Variants in SPACDR observed in about 807,000 individuals in gnomAD.
The protein encoded by SPACDR is sperm acrosome developmental regulator.
the SPACDR span, among the ~76,000 whole-genome samples, chr7:100,457,261 C>T: frequency 6.6e-6 from 1 of 151,768 alleles, no homozygotes; most frequent in African/African-American, 2.4e-5. Context: ...CCTTGGCTTC[C>T]CAAAGTGTTG....
chr7:100,456,656 T>TA, the SPACDR span: 1 of 806,066 alleles, frequency 1.2e-6, no homozygotes, highest in Non-Finnish European at 2.0e-6. Flanking sequence ...AATATTTTGA[T>TA]ACTTGTTTTA....
At chr7:100,458,316 C>T in the SPACDR span, among the ~76,000 whole-genome samples, 5 of 150,928 alleles carry the variant, frequency 3.3e-5, no homozygotes, top group African/African-American at 9.8e-5. Flanking sequence ...ACATTTCCAT[C>T]GGGCAGGAGA....
chr7:100,458,236 GTGTA>G, the SPACDR span, among the ~76,000 whole-genome samples: 1 of 138,452 alleles, frequency 7.2e-6, no homozygotes, highest in Admixed American at 7.6e-5. Flanking sequence ...GTGTGTGTGT[GTGTA>G]TAATTTTACC....
At chr7:100,460,945 C>T in the SPACDR span, among the ~76,000 whole-genome samples, 2 of 152,146 alleles carry the variant, frequency 1.3e-5, no homozygotes, top group Non-Finnish European at 2.9e-5. Context: ...GCTCAAATGT[C>T]TTCAAGGGCT....
the SPACDR span, chr7:100,463,889 C>T: frequency 1.5e-5 from 23 of 1,508,436 alleles, no homozygotes; most frequent in Non-Finnish European, 1.9e-5. Context: ...AGGGAACCCA[C>T]GCAGTAAGGG....
the SPACDR span, among the ~76,000 whole-genome samples, chr7:100,457,852 TA>T: frequency 1.2e-3 from 151 of 124,944 alleles, 1 homozygote; most frequent in African/African-American, 4.3e-3. Context: ...TATATATATA[TA>T]TATATTTTTT....
Sources: allele counts gnomAD v4.1 joint callset (sites outside exome capture counted in the v4.1 genomes callset), GRCh38; gene constraint gnomAD v4.1.1; transcripts MANE v1.5; gene names NCBI Gene and HGNC (gene_info 2026-07-23, HGNC 2026-07-21).